TOX2: variants seen among roughly 807,000 people sequenced by gnomAD.
The protein encoded by TOX2 is granulosa cell HMG box 1.
Under a neutral mutation model 47.4 loss-of-function variants are expected in TOX2, and 15 were observed. The observed-to-expected ratio is 0.32, with a 90% CI of 0.21 to 0.49. TOX2 has a LOEUF of 0.49. Ranked by LOEUF, TOX2 falls within the 20% of genes least tolerant of loss-of-function variation. TOX2 has a pLI of 0.99. For synonymous variants in TOX2, 290 were observed against 296.6 expected (o/e 0.98, Z 0.23); for missense variants, 622 against 673.1 (o/e 0.92, Z 0.84).
intron 1 of TOX2, among the ~76,000 whole-genome samples, chr20:43,932,720 T>A (rs924399250): frequency 1.3e-5 from 2 of 151,796 alleles, no homozygotes; most frequent in African/African-American, 4.8e-5. Context: ...CACACCAGGA[T>A]TGGGGGCCCG....
intron 3 of TOX2, among the ~76,000 whole-genome samples, chr20:44,032,354 C>T (rs2071169615): frequency 6.6e-6 from 1 of 152,204 alleles, no homozygotes; most frequent in African/African-American, 2.4e-5. Context: ...TGGCCTCTAC[C>T]CACCAGATGC....
chr20:43,985,015 A>G (rs1249077190), intron 2 of TOX2, among the ~76,000 whole-genome samples: 1 of 152,068 alleles, frequency 6.6e-6, no homozygotes, highest in Non-Finnish European at 1.5e-5. Flanking sequence ...GCTGTGTGTG[A>G]GCTCACTGGT....
chr20:44,052,951 G>A (rs1378292450), intron 4 of TOX2, among the ~76,000 whole-genome samples: 7 of 152,220 alleles, frequency 4.6e-5, no homozygotes, highest in African/African-American at 1.7e-4. Flanking sequence ...GGAGAAGGGA[G>A]TAGCTGCAGA....
intron 3 of TOX2, chr20:44,039,110 T>G: frequency 7.9e-7 from 1 of 1,273,748 alleles, no homozygotes; most frequent in Non-Finnish European, 1.0e-6. Context: ...CAGGTGTCTC[T>G]GCACTTGAGC....
At chr20:44,044,195 C>G (rs1004857601) in intron 3 of TOX2, among the ~76,000 whole-genome samples, 1 of 152,052 alleles carries the variant, frequency 6.6e-6, no homozygotes, top group Non-Finnish European at 1.5e-5. Flanking sequence ...CCAAACACCA[C>G]GTGTTGTCAC....
intron 4 of TOX2, 138 bp downstream of exon 4, chr20:44,051,683 C>T: frequency 1.5e-6 from 2 of 1,328,626 alleles, no homozygotes; most frequent in Admixed American, 6.0e-5. Flanking sequence ...GGTGCCATTC[C>T]CACTGAGCAG....
chr20:44,002,394 G>A (rs982398253), intron 2 of TOX2, among the ~76,000 whole-genome samples: 3 of 152,174 alleles, frequency 2.0e-5, no homozygotes, highest in African/African-American at 7.2e-5. Context: ...CTCCAGATGA[G>A]GGCAGCAAGG....
intron 3 of TOX2, among the ~76,000 whole-genome samples, chr20:44,041,533 G>C (rs1446438365): frequency 6.6e-6 from 1 of 152,172 alleles, no homozygotes; most frequent in Non-Finnish European, 1.5e-5. Context: ...AGCCAGTCAT[G>C]TACTGTCTTT....
At chr20:43,929,429 A>G (rs1317892610) in intron 1 of TOX2, among the ~76,000 whole-genome samples, 1 of 152,136 alleles carries the variant, frequency 6.6e-6, no homozygotes, top group Non-Finnish European at 1.5e-5. Flanking sequence ...TGATGAGCAA[A>G]GTCAGAGTCA....
intron 1 of TOX2, among the ~76,000 whole-genome samples, chr20:43,972,632 T>C (rs2069995255): frequency 1.3e-5 from 2 of 152,194 alleles, no homozygotes; most frequent in Admixed American, 1.3e-4. Context: ...AGATGAGGAA[T>C]CTCAGAAGTT....
chr20:44,013,207 CA>C (rs1292407860), intron 3 of TOX2, among the ~76,000 whole-genome samples: 1 of 151,864 alleles, frequency 6.6e-6, no homozygotes, highest in Non-Finnish European at 1.5e-5. Flanking sequence ...ATCCTGGGGG[CA>C]AGGGCCTTGG....
intron 3 of TOX2, among the ~76,000 whole-genome samples, chr20:44,013,690 T>C (rs190442713): frequency 6.6e-6 from 1 of 152,362 alleles, no homozygotes; most frequent in East Asian, 1.9e-4. Context: ...TGATCTGGAC[T>C]GATTCAGGTG....
intron 3 of TOX2, among the ~76,000 whole-genome samples, chr20:44,027,565 A>G (rs935203195): frequency 6.6e-6 from 1 of 152,230 alleles, no homozygotes; most frequent in Non-Finnish European, 1.5e-5. Flanking sequence ...GCCAGTGGGA[A>G]CTTACTGGAT....
chr20:43,970,792 C>T (rs1027422771), intron 1 of TOX2, among the ~76,000 whole-genome samples: 5 of 152,204 alleles, frequency 3.3e-5, no homozygotes, highest in African/African-American at 1.2e-4. Flanking sequence ...GACACAGTTC[C>T]AGCCTCCATG....
intron 2 of TOX2, among the ~76,000 whole-genome samples, chr20:43,981,528 G>A (rs532776682): frequency 1.7e-4 from 26 of 152,212 alleles, no homozygotes; most frequent in African/African-American, 2.4e-4. Flanking sequence ...GTGTGTGTGC[G>A]TGGTATGGGA....
chr20:44,067,816 C>T (rs182014590), intron 8 of TOX2, among the ~76,000 whole-genome samples: 93 of 152,298 alleles, frequency 6.1e-4, no homozygotes, highest in Middle Eastern at 3.4e-3. Flanking sequence ...GTTCCCATTC[C>T]CTTGGCAAAA....
intron 2 of TOX2, 99 bp from the exon 3 acceptor site, chr20:44,006,448 G>T: frequency 6.6e-7 from 1 of 1,512,772 alleles, no homozygotes. Context: ...TTGCCAAGGG[G>T]TTGCTATCGT....
chr20:44,062,683 G>T (rs1245171238), intron 5 of TOX2, among the ~76,000 whole-genome samples: 1 of 152,126 alleles, frequency 6.6e-6, no homozygotes, highest in East Asian at 1.9e-4. Flanking sequence ...AGCCCTCATA[G>T]CCAAAGCATG....
Sources: gnomAD v4.1 joint callset for allele counts (sites outside exome capture counted in the v4.1 genomes callset) on GRCh38, gnomAD v4.1.1 for gene constraint, MANE v1.5 for transcripts, NCBI Gene and HGNC (gene_info 2026-07-23, HGNC 2026-07-21) for gene names.